The following DEDD variants were observed in gnomAD, a reference collection of about 807,000 sequenced individuals.
The protein encoded by DEDD is death effector domain containing.
DEDD carries 3 observed loss-of-function variants against 29.2 expected under a neutral mutation model. The observed-to-expected ratio is 0.10, with a 90% CI of 0.05 to 0.27. The LOEUF (loss-of-function observed/expected upper bound fraction) is 0.27. Ranked by LOEUF, DEDD falls within the 10% of genes least tolerant of loss-of-function variation. DEDD has a pLI of 1.00. For missense variants in DEDD, 261 were observed against 420.5 expected, an observed-to-expected ratio of 0.62 and a Z score of 3.32; for synonymous variants, 152 against 161.3, an observed-to-expected ratio of 0.94 and a Z score of 0.44.
chr1:161,123,366 G>T, intron 4 of DEDD, 145 bp from the exon 5 acceptor site: 4 of 824,454 alleles, frequency 4.9e-6, no homozygotes, highest in South Asian at 3.5e-5. Flanking sequence ...GAGACCAGGT[G>T]CAGTGGCTCA....
chr1:161,122,984 C>T lies in DEDD; in HGVS notation c.580+91G>A, dbSNP rs1264045437. The T allele has an allele frequency of 1.9e-6, 3 of 1,613,400 alleles. No individual in the cohort carries two copies. Among genetic ancestry groups the T allele is most frequent in the Non-Finnish European group, 1.7e-6 (2 of 1,179,426 alleles). On this transcript the variant is annotated intron_variant, in intron 5 of 5. Coordinates refer to ENST00000368006, the MANE Select transcript of DEDD (RefSeq NM_032998.3). This position sits in a 1 kb window ranked among gnomAD's most constrained non-coding sequence, Gnocchi z 4.2. ...GCAATGGCAATCAAAGTGAATCTCA[C>T]ACTGAATAGCATAAACTGCCCAGTG...
chr1:161,124,660 T>A, intron 2 of DEDD, 134 bp from the exon 3 acceptor site: 1 of 1,216,984 alleles, frequency 8.2e-7, no homozygotes, highest in Non-Finnish European at 1.1e-6. Context: ...TTTTGAAGTG[T>A]TTGTTTAAAA....
chr1:161,127,530 G>C (rs898422244), intron 2 of DEDD, among the ~76,000 whole-genome samples: 1 of 152,184 alleles, frequency 6.6e-6, no homozygotes, highest in Non-Finnish European at 1.5e-5. Flanking sequence ...TAAGAAAAGG[G>C]GAGGTACACT....
chr1:161,125,044 C>T (rs10908823), intron 2 of DEDD: 52,732 of 153,072 alleles, frequency 0.34, 9,269 homozygotes, highest in East Asian at 0.44. Context: ...TGCAGTGAGC[C>T]ATAATCCTGC....
intron 2 of DEDD, chr1:161,125,530 C>G (rs1397497911): frequency 6.6e-6 from 1 of 151,844 alleles, no homozygotes; most frequent in Non-Finnish European, 1.5e-5. Flanking sequence ...GAGATGGAGT[C>G]TCACTTTGTC....
At chr1:161,123,792 T>A in intron 4 of DEDD, 47 bp downstream of exon 4, 2 of 1,510,058 alleles carry the variant, frequency 1.3e-6, no homozygotes, top group South Asian at 2.3e-5. Context: ...GGGATCAGTG[T>A]CCTTTTACTT....
In DEDD at chr1:161,122,442, G is replaced by C. The variant is rs1365480325; in HGVS notation, c.662C>G (p.Pro221Arg). Reference sequence around the variant, plus strand: ...AAAGCGCTCAAACTGGCGCTCAAGTGGGTCCTGCTTGTTAGAGAAGACATT... The same window carrying C: ...AAAGCGCTCAAACTGGCGCTCAAGTCGGTCCTGCTTGTTAGAGAAGACATT... ...QGNVFSNKQD[P>R]LERQFERFNQ... The change falls in exon 6 of 6, where the codon CCA becomes CGA. Residue 221 changes from proline (P) to arginine (R), a missense_variant. By Grantham distance (103) the Pro-to-Arg change is moderately radical. Around this residue, in one of 2 missense-constraint regions of DEDD, gnomAD observed 58 missense variants for 151.8 expected, o/e 0.38. Coordinates refer to ENST00000368006, the MANE Select transcript of DEDD (RefSeq NM_032998.3). The surrounding 1 kb of genome is among the most constrained non-coding windows in gnomAD (Gnocchi z 4.2). 12 of 1,614,206 alleles carry C rather than the reference G, an allele frequency of 7.4e-6. No homozygotes were observed. The highest frequency in any genetic ancestry group is 8.5e-6 in the Non-Finnish European group (10 of 1,180,036).
chr1:161,125,427 CAT>C (rs1191301195), intron 2 of DEDD: 2 of 152,124 alleles, frequency 1.3e-5, no homozygotes, highest in African/African-American at 4.8e-5. Flanking sequence ...TTAAAATAAA[CAT>C]TAAGTTTCTA....
chr1:161,132,480 TGCGGCCCCGC>T (rs1234227901), intron 1 of DEDD, 61 bp downstream of exon 1: 3 of 154,492 alleles, frequency 1.9e-5, no homozygotes, highest in African/African-American at 7.3e-5. Context: ...CCAAGCCCTT[TGCGGCCCCGC>T]CCGGCCCCGC....
intron 3 of DEDD, 26 bp from the exon 4 acceptor site, chr1:161,123,972 G>A: frequency 6.2e-7 from 1 of 1,611,278 alleles, no homozygotes; most frequent in Non-Finnish European, 8.5e-7. Context: ...TAATCATTCA[G>A]GAAAATATAC....
At position 161,130,795 on chromosome 1, in the gene DEDD, T is replaced by TA; in HGVS notation, c.-65+19dup. 6.6e-6 allele frequency: 1 copy of TA among 152,226 alleles called. No homozygotes were observed. The allele number at this position is 152,226 out of a possible 1,614,324, so 9.4% of individuals were successfully genotyped here. A position where few individuals can be genotyped will look rare whatever the true frequency, so the allele number is the denominator to read the frequency against. On this transcript the variant is annotated intron_variant, in intron 2 of 5. Coordinates refer to ENST00000368006, the MANE Select transcript of DEDD (RefSeq NM_032998.3). ...ATTCCCTTCCATTGTTTGAAAACAA[T>TA]AAAAAAGTTCCAGACTTACCTCCGC...
At chr1:161,123,289 A>G (rs1571219680) in intron 4 of DEDD, 68 bp from the exon 5 acceptor site, 1 of 1,441,242 alleles carries the variant, frequency 6.9e-7, no homozygotes, top group East Asian at 2.3e-5. Context: ...CTTCTGTTGG[A>G]ATGAGGAAGG....
intron 1 of DEDD, 32 bp downstream of exon 1, chr1:161,132,519 C>T (rs1656783446): frequency 6.5e-6 from 1 of 154,414 alleles, no homozygotes; most frequent in Non-Finnish European, 1.5e-5. Context: ...GCTCGACTCC[C>T]TCTCCCCACT....
At chr1:161,130,465 G>A (rs374221534) in intron 2 of DEDD, among the ~76,000 whole-genome samples, 1 of 151,988 alleles carries the variant, frequency 6.6e-6, no homozygotes. Context: ...ACGGAAGGAA[G>A]GTGTCCCAGC....
intron 2 of DEDD, among the ~76,000 whole-genome samples, chr1:161,129,215 A>G (rs1400404393): frequency 6.6e-6 from 1 of 152,228 alleles, no homozygotes; most frequent in Non-Finnish European, 1.5e-5. Context: ...ATATGAGGAT[A>G]CTGTCATGCA....
rs1034899347 is a variant in DEDD at position 161,124,061 on chromosome 1, C to T, written c.325+77G>A. 3.6e-5 allele frequency: 57 copies of T among 1,577,646 alleles called. No individual in the cohort carries two copies. In the Middle Eastern group the frequency reaches 5.1e-4, roughly 14 times the overall value. On this transcript the variant is annotated intron_variant, in intron 3 of 5. Transcript: ENST00000368006. ...GTACTCCCCAGGATCAATGTGTCCT[C>T]CCCTTTGGACGCCTATGCTGCTCCT...
chr1:161,124,463 G>A lies in DEDD; in HGVS notation c.-1C>T. On this transcript the variant is annotated 5_prime_UTR_variant, in exon 3 of 6. Coordinates refer to ENST00000368006, the MANE Select transcript of DEDD (RefSeq NM_032998.3). Reference sequence around the variant, plus strand: ...TTGCCCGCCGCTTTAGGCCCGCCATGCTGGGGGCTCAGGTACGCAATGCTT... The same window carrying A: ...TTGCCCGCCGCTTTAGGCCCGCCATACTGGGGGCTCAGGTACGCAATGCTT... 6.3e-7 allele frequency: 1 copy of A among 1,598,986 alleles called. No homozygotes were observed. The highest frequency in any genetic ancestry group is 1.3e-5 in the African/African-American group (1 of 74,836).
intron 4 of DEDD, 102 bp downstream of exon 4, chr1:161,123,737 C>T (rs960542479): frequency 1.4e-5 from 14 of 1,029,786 alleles, no homozygotes; most frequent in Admixed American, 1.2e-4. Context: ...AAGATGTGGG[C>T]GCACAGCATC....
In DEDD at chr1:161,121,618, G is replaced by C. The variant is rs1655495940; in HGVS notation, c.*529C>G. The C allele has an allele frequency of 6.4e-6, 1 of 155,532 alleles. No homozygotes were observed. The highest frequency in any genetic ancestry group is 6.3e-5 in the Admixed American group (1 of 15,896). The allele number at this position is 155,532 out of a possible 1,614,324, so 9.6% of individuals were successfully genotyped here. On this transcript the variant is annotated 3_prime_UTR_variant, in exon 6 of 6. Transcript: ENST00000368006. ...GGCGGCAGAGAGGAGCAGCACCAGAGGCCAGGAGAGAGTGGAAAGGGCCAC... is the reference window on the plus strand; with the variant it reads ...GGCGGCAGAGAGGAGCAGCACCAGACGCCAGGAGAGAGTGGAAAGGGCCAC...
Sources: allele counts gnomAD v4.1 joint callset (sites outside exome capture counted in the v4.1 genomes callset), GRCh38; gene constraint gnomAD v4.1.1; regional missense constraint gnomAD v4.1.1; non-coding constraint Gnocchi (gnomAD v3.1); transcripts MANE v1.5; gene names NCBI Gene and HGNC (gene_info 2026-07-23, HGNC 2026-07-21).